ZNF780A: variants seen among roughly 807,000 people sequenced by gnomAD.
The protein encoded by ZNF780A is zinc finger protein 780A.
In ZNF780A, 40 loss-of-function variants were observed where a neutral mutation model predicts 56.7. The observed-to-expected ratio is 0.71, with a 90% CI of 0.55 to 0.92. The LOEUF is 0.92. ZNF780A is among the 40% of genes least tolerant of loss of function. The pLI, the probability that ZNF780A is intolerant of heterozygous loss-of-function variation, is 0.00. For missense variants in ZNF780A, 672 were observed against 783.3 expected (o/e 0.86, Z 1.70); for synonymous variants, 231 against 248.3 (o/e 0.93, Z 0.66).
At chr19:40,088,275 A>G (rs1046637092) in intron 2 of ZNF780A, among the ~76,000 whole-genome samples, 2 of 152,166 alleles carry the variant, frequency 1.3e-5, no homozygotes, top group African/African-American at 4.8e-5. Flanking sequence ...ATGATAAGAG[A>G]TTAAGATCCA....
downstream of ZNF780A, chr19:40,071,532 T>C (rs1379324454): frequency 1.3e-5 from 2 of 152,236 alleles, no homozygotes; most frequent in Non-Finnish European, 1.5e-5. Flanking sequence ...TTGAATAGTC[T>C]ATTTCAATTT....
At chr19:40,084,605 T>C in intron 3 of ZNF780A, 140 bp downstream of exon 3, 1 of 803,206 alleles carries the variant, frequency 1.2e-6, no homozygotes, top group Non-Finnish European at 1.9e-6. Context: ...TTTTTTTTTT[T>C]GTCACCAACC....
At position 40,081,849 on chromosome 19, in the gene ZNF780A, C is replaced by A; in HGVS notation, c.202G>T (p.Val68Leu). The A allele has an allele frequency of 6.2e-7, 1 of 1,612,936 alleles. No individual in the cohort carries two copies. The highest frequency in any genetic ancestry group is 8.5e-7 in the Non-Finnish European group (1 of 1,179,230). ...LEQEKEPWMVVRKETSRRYPD... is the reference protein window; with the variant it reads ...LEQEKEPWMVLRKETSRRYPD... ...TACCGTCTGCTTGTTTCTTTCCTTA[C>A]AACCATCCAGGGCTCTTTCTCTTGC... The change falls in exon 5 of 6, where the codon GTA (valine) becomes TTA (leucine). Residue 68 changes from valine (V) to leucine (L), a missense_variant. Val to Leu is a conservative substitution (Grantham distance 32, BLOSUM62 1). Transcript: ENST00000683561.
intron 5 of ZNF780A, among the ~76,000 whole-genome samples, chr19:40,081,137 A>G (rs1974448668): frequency 6.6e-6 from 1 of 152,078 alleles, no homozygotes; most frequent in African/African-American, 2.4e-5. Flanking sequence ...GGAAACTATC[A>G]TCGGAGGGAA....
intron 5 of ZNF780A, among the ~76,000 whole-genome samples, chr19:40,081,100 T>C (rs1187177595): frequency 6.6e-6 from 1 of 151,866 alleles, no homozygotes; most frequent in African/African-American, 2.4e-5. Flanking sequence ...TGGGACTATA[T>C]TAAACTAAAC....
chr19:40,077,907 C>T (rs150068794), intron 5 of ZNF780A, among the ~76,000 whole-genome samples: 1 of 147,110 alleles, frequency 6.8e-6, no homozygotes, highest in Non-Finnish European at 1.5e-5. Context: ...GAGAAGGAAA[C>T]TTGACATCTC....
At position 40,088,450 on chromosome 19, in the gene ZNF780A, G is replaced by T. The variant is rs75444307; in HGVS notation, c.-46+1716C>A. Among the ~76,000 whole-genome samples, 16 of 152,150 alleles carry T rather than the reference G, an allele frequency of 1.1e-4. No individual in the cohort carries two copies. In the East Asian group the frequency reaches 2.9e-3, roughly 28 times the overall value. ...CATCAGGGAAATGAAAATTAAACCC[G>T]CAATAAGATATTAGCTCATACCTGT... On this transcript the variant is annotated intron_variant, in intron 2 of 5. Coordinates refer to ENST00000683561, the MANE Select transcript of ZNF780A (RefSeq NM_001142578.2).
chr19:40,074,623 G>A lies in ZNF780A; in HGVS notation c.1819C>T (p.His607Tyr), dbSNP rs144747313. 1.5e-5 allele frequency: 24 copies of A among 1,613,498 alleles called. No individual in the cohort carries two copies. The highest frequency in any genetic ancestry group is 1.9e-5 in the Non-Finnish European group (23 of 1,179,712). Residue 607 changes from histidine to tyrosine, a missense_variant, in exon 6 of 6, where the codon CAT (histidine) becomes TAT (tyrosine). By Grantham distance (83) the His-to-Tyr change is moderately conservative (BLOSUM62 2). Coordinates refer to ENST00000683561, the MANE Select transcript of ZNF780A (RefSeq NM_001142578.2). ...HMQLIRHQKL[H>Y]TGEKPFECKE... ...CATTCAAAGGGTTTCTCACCAGTAT[G>A]CAATTTCTGATGTCGAATAAGTTGC...
In ZNF780A at chr19:40,075,113, T is replaced by C; in HGVS notation, c.1329A>G (p.Lys443=). Residue 443 remains lysine (K), a synonymous_variant, in exon 6 of 6, where the codon AAA becomes AAG. Transcript: ENST00000683561. ...TCTCACATTCCCTACATACAAAAGG[T>C]TTCTCATTGGAATGAATTTTCTGAT... ...IQHQKIHSNE[K]PFVCRECEMA... 1.2e-6 allele frequency: 2 copies of C among 1,614,062 alleles called. No individual in the cohort carries two copies. Among genetic ancestry groups the C allele is most frequent in the Admixed American group, 1.7e-5 (1 of 60,028 alleles).
In ZNF780A at chr19:40,075,109, A is replaced by C. The variant is rs1974029437; in HGVS notation, c.1333T>G (p.Phe445Val). Residue 445 changes from phenylalanine (F) to valine (V), a missense_variant, in exon 6 of 6, where the codon TTT (phenylalanine) becomes GTT (valine). Phe to Val is a conservative substitution (Grantham distance 50). Transcript: ENST00000683561. ...GCCATCTCACATTCCCTACATACAA[A>C]AGGTTTCTCATTGGAATGAATTTTC... ...HQKIHSNEKP[F>V]VCRECEMAFR... 1 of 1,613,982 alleles carries C rather than the reference A, an allele frequency of 6.2e-7. No individual in the cohort carries two copies.
intron 3 of ZNF780A, 70 bp from the exon 4 acceptor site, chr19:40,083,307 G>A (rs1314516889): frequency 1.9e-6 from 3 of 1,598,212 alleles, no homozygotes; most frequent in Non-Finnish European, 2.6e-6. Flanking sequence ...GAGAGGAAGT[G>A]AAGGAGTGTA....
Position 40,085,956 on chromosome 19 carries a change from A to G in ZNF780A, c.-45-1158T>C, listed in dbSNP as rs183850691. On this transcript the variant is annotated intron_variant, in intron 2 of 5. Coordinates refer to ENST00000683561, the MANE Select transcript of ZNF780A (RefSeq NM_001142578.2). ...TTCACACACACACACACGTGTGTGTATATATATATGTGTGTGTGTATATAT... is the reference window on the plus strand; with the variant it reads ...TTCACACACACACACACGTGTGTGTGTATATATATGTGTGTGTGTATATAT... 2.9e-4 allele frequency among the ~76,000 whole-genome samples: 43 copies of G among 149,434 alleles called. No homozygotes were observed. In the East Asian group the frequency reaches 5.7e-3, roughly 20 times the overall value.
intron 4 of ZNF780A, among the ~76,000 whole-genome samples, chr19:40,082,427 C>T (rs1456119605): frequency 3.9e-5 from 6 of 152,168 alleles, no homozygotes; most frequent in African/African-American, 1.4e-4. Context: ...ATTTATAGCT[C>T]ACTCAGTATA....
intron 4 of ZNF780A, among the ~76,000 whole-genome samples, chr19:40,082,195 TC>T (rs1384684523): frequency 6.6e-6 from 1 of 152,138 alleles, no homozygotes; most frequent in Non-Finnish European, 1.5e-5. Context: ...AAATCCTATC[TC>T]TGCTACTCAC....
Position 40,075,734 on chromosome 19 carries a change from A to T in ZNF780A, c.708T>A (p.Leu236=), listed in dbSNP as rs772171884. 6.2e-7 allele frequency: 1 copy of T among 1,614,010 alleles called. No homozygotes were observed. The change falls in exon 6 of 6, where the codon CTT becomes CTA. Residue 236 remains leucine, a synonymous_variant. Transcript: ENST00000683561. ...CTGTGTGAATGTTCTTATGGCGATT[A>T]AGCAGGGTAAGAAGACTAAAGGCCT... ...CGKAFSLLTL[L]NRHKNIHTGE...
chr19:40,074,763 T>C lies in ZNF780A; in HGVS notation c.1679A>G (p.Lys560Arg). The change falls in exon 6 of 6, where the codon AAG (lysine) becomes AGG (arginine). Residue 560 changes from lysine (K) to arginine (R), a missense_variant. Physicochemically the swap from Lys to Arg is conservative, Grantham distance 26. Coordinates refer to ENST00000683561, the MANE Select transcript of ZNF780A (RefSeq NM_001142578.2). ...AAGTCGAAAGGCTTTCCCACATTCC[T>C]TACATTCAAAGGGTTTCTTTCCAGT... ...IHTGKKPFEC[K>R]ECGKAFRLHM... is the part of the protein sequence containing the mutation. The C allele has an allele frequency of 6.2e-7, 1 of 1,614,196 alleles. No individual in the cohort carries two copies. The highest frequency in any genetic ancestry group is 1.3e-5 in the African/African-American group (1 of 75,048).
In ZNF780A at chr19:40,073,896, A is replaced by T. The variant is rs540203562; in HGVS notation, c.*620T>A. On this transcript the variant is annotated 3_prime_UTR_variant, in exon 6 of 6. Coordinates refer to ENST00000683561, the MANE Select transcript of ZNF780A (RefSeq NM_001142578.2). ...TTTTCTGATGTTGAGACAGCTGATCATCCACAGCAAATGCTTTCCCATATT... is the reference window on the plus strand; with the variant it reads ...TTTTCTGATGTTGAGACAGCTGATCTTCCACAGCAAATGCTTTCCCATATT... 458 of 1,002,908 alleles carry T rather than the reference A, an allele frequency of 4.6e-4. No individual in the cohort carries two copies. The highest frequency in any genetic ancestry group is 5.3e-4 in the Non-Finnish European group (446 of 839,782). The allele number at this position is 1,002,908 out of a possible 1,614,324, so 62.1% of individuals were successfully genotyped here.
chr19:40,089,445 T>G, intron 2 of ZNF780A: 1 of 560,320 alleles, frequency 1.8e-6, no homozygotes, highest in Non-Finnish European at 2.8e-6. Context: ...TGACTTAAAA[T>G]GACTACACAA....
At chr19:40,084,977 G>C (rs1431316315) in intron 2 of ZNF780A, among the ~76,000 whole-genome samples, 179 bp from the exon 3 acceptor site, 1 of 152,226 alleles carries the variant, frequency 6.6e-6, no homozygotes, top group Non-Finnish European at 1.5e-5. Flanking sequence ...CAGTGAACGG[G>C]TGGAGTAGGG....
Sources: allele counts gnomAD v4.1 joint callset (sites outside exome capture counted in the v4.1 genomes callset), GRCh38; gene constraint gnomAD v4.1.1; transcripts MANE v1.5; gene names NCBI Gene and HGNC (gene_info 2026-07-23, HGNC 2026-07-21).